DRG1: variants seen among roughly 807,000 people sequenced by gnomAD.
DRG1 encodes developmentally regulated GTP binding protein 1.
DRG1 carries 19 observed loss-of-function variants against 38.8 expected under a neutral mutation model. The observed-to-expected ratio is 0.49, with a 90% CI of 0.34 to 0.72. DRG1 has a LOEUF of 0.72. Among genes scored for constraint, DRG1 ranks in the 30% least tolerant of loss-of-function variants. The pLI, the probability that DRG1 is intolerant of heterozygous loss-of-function variation, is 0.01. For missense variants in DRG1, 299 were observed against 444.8 expected (o/e 0.67, Z 2.95); for synonymous variants, 167 against 157.5 (o/e 1.06, Z -0.45).
At position 31,399,610 on chromosome 22, in the gene DRG1, G is replaced by T; in HGVS notation, c.-74G>T. ...TACCGCGCCTGCGTGCTGCAGTAGC[G>T]CCTGGTGGCGGTGGCAGTTTGCCCG... On this transcript the variant is annotated 5_prime_UTR_variant, in exon 1 of 9. Transcript: ENST00000331457. 1 of 1,602,708 alleles carries T rather than the reference G, an allele frequency of 6.2e-7. No homozygotes were observed. The highest frequency in any genetic ancestry group is 8.5e-7 in the Non-Finnish European group (1 of 1,169,590).
At chr22:31,425,873 G>T (rs1008894175) in intron 6 of DRG1, among the ~76,000 whole-genome samples, 2 of 152,124 alleles carry the variant, frequency 1.3e-5, no homozygotes, top group African/African-American at 4.8e-5. Flanking sequence ...CTCCTCATTT[G>T]AAAACAAACA....
chr22:31,402,174 A>T (rs1381302876), intron 2 of DRG1, among the ~76,000 whole-genome samples: 1 of 152,206 alleles, frequency 6.6e-6, no homozygotes, highest in Admixed American at 6.5e-5. Flanking sequence ...ACGTAGGAAA[A>T]ATAAGTCGAA....
intron 5 of DRG1, among the ~76,000 whole-genome samples, chr22:31,422,261 G>T (rs558061646): frequency 2.6e-4 from 40 of 152,154 alleles, no homozygotes; most frequent in Admixed American, 2.5e-3. Flanking sequence ...GCAAAACCCT[G>T]TCTGTACTAA....
rs369718031 is a variant in DRG1, at chr22:31,427,043, T to A, written c.882-17T>A. Reference sequence around the variant, plus strand: ...TAGTCTAAGAAGGCAGTAATCTTTATGCCCTCTCTATTCTAGTTACACCAA... The same window carrying A: ...TAGTCTAAGAAGGCAGTAATCTTTAAGCCCTCTCTATTCTAGTTACACCAA... On this transcript the variant is annotated splice_polypyrimidine_tract_variant and intron_variant, in intron 7 of 8. Transcript: ENST00000331457. 3.6e-5 allele frequency: 58 copies of A among 1,613,550 alleles called. No individual in the cohort carries two copies. The East Asian group carries it at 1.2e-3, about 33-fold the overall frequency.
chr22:31,420,432 G>A lies in DRG1; in HGVS notation c.582+7G>A, dbSNP rs756895891. 4 of 1,614,090 alleles carry A rather than the reference G, an allele frequency of 2.5e-6. No individual in the cohort carries two copies. In the South Asian group the frequency reaches 4.4e-5, roughly 18 times the overall value. The stretch of plus-strand genomic sequence containing the variant: ...CATTAATCTCACAGCCACTGTAAGT[G>A]GGGAATATGACATGGGGCAGGCTGC... On this transcript the variant is annotated splice_region_variant and intron_variant, in intron 5 of 8. Coordinates refer to ENST00000331457, the MANE Select transcript of DRG1 (RefSeq NM_004147.4).
intron 8 of DRG1, among the ~76,000 whole-genome samples, chr22:31,432,041 T>A (rs5753615): frequency 6.7e-6 from 1 of 149,002 alleles, no homozygotes; most frequent in Admixed American, 6.6e-5. Flanking sequence ...CTTATTTTAC[T>A]GTTTTTTTTT....
chr22:31,402,241 T>C (rs2049965882), intron 2 of DRG1, among the ~76,000 whole-genome samples: 1 of 151,830 alleles, frequency 6.6e-6, no homozygotes, highest in African/African-American at 2.4e-5. Context: ...GTGCACCTGG[T>C]AGAGAAGGGC....
At chr22:31,414,802 T>C (rs1440671580) in intron 4 of DRG1, among the ~76,000 whole-genome samples, 1 of 150,308 alleles carries the variant, frequency 6.7e-6, no homozygotes, top group African/African-American at 2.5e-5. Flanking sequence ...TTTTTAGAGA[T>C]AGGATCTTGC....
chr22:31,423,515 CCTA>C (rs2050089207), intron 6 of DRG1, 105 bp downstream of exon 6: 1 of 1,111,192 alleles, frequency 9.0e-7, no homozygotes, highest in Non-Finnish European at 1.3e-6. Context: ...TTCCAGTTGT[CCTA>C]CTGTCTTTTT....
intron 4 of DRG1, among the ~76,000 whole-genome samples, chr22:31,418,840 T>G (rs1292213534): frequency 6.6e-6 from 1 of 152,036 alleles, no homozygotes; most frequent in East Asian, 1.9e-4. Flanking sequence ...TGCCACCACA[T>G]CCGGCTAATT....
chr22:31,411,928 G>A (rs1163953126), intron 4 of DRG1, among the ~76,000 whole-genome samples: 1 of 151,998 alleles, frequency 6.6e-6, no homozygotes, highest in Non-Finnish European at 1.5e-5. Context: ...TTGCTGTTGA[G>A]TCCAATAGTT....
chr22:31,402,609 A>AGC lies in DRG1; in HGVS notation c.167-418_167-417dup, dbSNP rs2049969433. ...CTGCAGCCTCAACCTCCTGGGCTCAAGCGATCCTCCCACCTCAGCCTCTGA... is the reference window on the plus strand; with the variant it reads ...CTGCAGCCTCAACCTCCTGGGCTCAAGCGCGATCCTCCCACCTCAGCCTCTGA... On this transcript the variant is annotated intron_variant, in intron 2 of 8. Coordinates refer to ENST00000331457, the MANE Select transcript of DRG1 (RefSeq NM_004147.4). Among the ~76,000 whole-genome samples, 3 of 151,038 alleles carry AGC rather than the reference A, an allele frequency of 2.0e-5. No individual in the cohort carries two copies. The South Asian group carries it at 6.3e-4, about 32-fold the overall frequency.
rs1601531504 is a variant in DRG1 at position 31,420,400 on chromosome 22, A to G, written c.557A>G (p.Lys186Arg). 6.2e-7 allele frequency: 1 copy of G among 1,614,220 alleles called. No homozygotes were observed. The highest frequency in any genetic ancestry group is 2.2e-5 in the East Asian group (1 of 44,884). Reference protein sequence around the residue: ...PPNIGFKKKDKGGINLTATCP... With the variant: ...PPNIGFKKKDRGGINLTATCP... ...AACATTGGCTTTAAGAAGAAGGACA[A>G]GGGAGGCATTAATCTCACAGCCACT... Residue 186 changes from lysine to arginine, a missense_variant, in exon 5 of 9, where the codon AAG (lysine) becomes AGG (arginine). By Grantham distance (26) the Lys-to-Arg change is conservative (BLOSUM62 2). Around this residue, in one of 3 missense-constraint regions of DRG1, gnomAD observed 198 missense variants for 268.1 expected, o/e 0.74. Transcript: ENST00000331457.
chr22:31,408,879 A>G (rs1259799049), intron 3 of DRG1, among the ~76,000 whole-genome samples: 3 of 149,974 alleles, frequency 2.0e-5, no homozygotes, highest in African/African-American at 7.4e-5. Context: ...TTTAGATTTT[A>G]TATTTGTTTT....
At chr22:31,426,571 C>T in intron 6 of DRG1, 44 bp from the exon 7 acceptor site, 1 of 1,552,734 alleles carries the variant, frequency 6.4e-7, no homozygotes, top group South Asian at 1.2e-5. Context: ...ACAGTTCTGT[C>T]AACAACTCCA....
chr22:31,401,015 C>T lies in DRG1; in HGVS notation c.166+272C>T, dbSNP rs546218381. Among the ~76,000 whole-genome samples, 24 of 151,934 alleles carry T rather than the reference C, an allele frequency of 1.6e-4. No individual in the cohort carries two copies. The South Asian group carries it at 4.8e-3, about 30-fold the overall frequency. On this transcript the variant is annotated intron_variant, in intron 2 of 8. Transcript: ENST00000331457. ...TTCTACTAAAGTAGATTTATATTTTCTAAGCATGAATTCTTGAACTGTGTT... is the reference window on the plus strand; with the variant it reads ...TTCTACTAAAGTAGATTTATATTTTTTAAGCATGAATTCTTGAACTGTGTT...
intron 3 of DRG1, among the ~76,000 whole-genome samples, chr22:31,407,830 T>A (rs2049997330): frequency 6.6e-6 from 1 of 151,782 alleles, no homozygotes; most frequent in African/African-American, 2.4e-5. Flanking sequence ...CTGATTTAAA[T>A]TATGTTTTGG....
chr22:31,409,431 G>C (rs1423022170), intron 3 of DRG1, among the ~76,000 whole-genome samples: 1 of 152,098 alleles, frequency 6.6e-6, no homozygotes, highest in Non-Finnish European at 1.5e-5. Context: ...AGAGTCACTT[G>C]TAAAGCCTTT....
intron 8 of DRG1, among the ~76,000 whole-genome samples, chr22:31,432,818 C>T (rs1000106008): frequency 1.3e-5 from 2 of 152,180 alleles, no homozygotes; most frequent in African/African-American, 4.8e-5. Context: ...CTCAGCCTCC[C>T]AAAGTGCTGG....
Sources: gnomAD v4.1 joint callset for allele counts (sites outside exome capture counted in the v4.1 genomes callset) on GRCh38, gnomAD v4.1.1 for gene constraint, gnomAD v4.1.1 regional missense constraint, MANE v1.5 for transcripts, NCBI Gene and HGNC (gene_info 2026-07-23, HGNC 2026-07-21) for gene names.